Variants in PPP6R2 observed in about 807,000 individuals in gnomAD.
PPP6R2 encodes the protein serine/threonine-protein phosphatase 6 regulatory subunit 2.
PPP6R2 carries 62 observed loss-of-function variants against 100.2 expected under a neutral mutation model. The ratio of observed to expected loss-of-function variants is 0.62; its 90% CI spans 0.50 to 0.76. The LOEUF (loss-of-function observed/expected upper bound fraction) is 0.76, where lower values mean the gene tolerates loss of function less well. PPP6R2 is among the 30% of genes least tolerant of loss of function. The probability of loss-of-function intolerance (pLI) is 0.00; values close to 1 mark genes in which losing one functional copy is unlikely to be tolerated. For synonymous variants in PPP6R2, 525 were observed against 514.7 expected, an observed-to-expected ratio of 1.02 and a Z score of -0.27; for missense variants, 1,142 against 1,276.3, an observed-to-expected ratio of 0.89 and a Z score of 1.60.
intron 1 of PPP6R2, among the ~76,000 whole-genome samples, chr22:50,354,646 T>C (rs923427405): frequency 6.6e-6 from 1 of 151,652 alleles, no homozygotes; most frequent in Non-Finnish European, 1.5e-5. Context: ...GCCAACATGG[T>C]TAAACCCTGT....
rs557479115 is a variant in PPP6R2, at chr22:50,423,673, G to T, written c.1125+59G>T. The T allele has an allele frequency of 1.9e-6, 3 of 1,593,632 alleles. 1 individual carries two copies. The South Asian group carries it at 3.3e-5, about 18-fold the overall frequency. ...GTGAGTGTGCCGGGCATGGCCTGTG[G>T]ACTTGTCAGGAGCAGCAGAGCAGGG... On this transcript the variant is annotated intron_variant, in intron 10 of 23. Coordinates refer to ENST00000612753, the MANE Select transcript of PPP6R2 (RefSeq NM_001242898.2). This position sits in a 1 kb window ranked among gnomAD's most constrained non-coding sequence, Gnocchi z 4.8.
At chr22:50,338,012 G>A in the PPP6R2 span, among the ~76,000 whole-genome samples, 32,965 of 145,772 alleles carry the variant, frequency 0.23, 5,644 homozygotes, top group African/African-American at 0.49. Flanking sequence ...GGTATAGTGT[G>A]TGTGGGGGGT....
chr22:50,427,933 G>C (rs2062469552), intron 10 of PPP6R2, among the ~76,000 whole-genome samples: 1 of 152,212 alleles, frequency 6.6e-6, no homozygotes, highest in African/African-American at 2.4e-5. Flanking sequence ...TATTAGCCAG[G>C]ACGGTCTCGA....
Position 50,394,597 on chromosome 22 carries a change from C to CT in PPP6R2, c.227+465dup, listed in dbSNP as rs1444740148. On this transcript the variant is annotated intron_variant, in intron 3 of 23. Coordinates refer to ENST00000612753, the MANE Select transcript of PPP6R2 (RefSeq NM_001242898.2). The stretch of plus-strand genomic sequence containing the variant: ...CTGGGTGACAAGAGTGAAACCCTGT[C>CT]TTTAAAAAAAAAAAAAAAAAAAAAA... 6.4e-4 allele frequency among the ~76,000 whole-genome samples: 46 copies of CT among 72,176 alleles called. No homozygotes were observed. The South Asian group carries it at 0.023, about 36-fold the overall frequency. 47.4% of individuals were successfully genotyped at this position (72,176 alleles called of 152,430 possible). A position where few individuals can be genotyped will look rare whatever the true frequency, so the allele number is the denominator to read the frequency against.
intron 10 of PPP6R2, among the ~76,000 whole-genome samples, chr22:50,426,509 G>A (rs1359974722): frequency 6.6e-6 from 1 of 152,050 alleles, no homozygotes; most frequent in African/African-American, 2.4e-5. Context: ...TCTTTTGCAT[G>A]GGGTTATCCA....
At chr22:50,394,931 AAAG>A (rs910690857) in intron 3 of PPP6R2, among the ~76,000 whole-genome samples, 2 of 151,554 alleles carry the variant, frequency 1.3e-5, no homozygotes, top group African/African-American at 2.4e-5. Flanking sequence ...AAAAAAAAAA[AAAG>A]AGTTTTGACT....
At chr22:50,362,268 T>C (rs1214920041) in intron 1 of PPP6R2, among the ~76,000 whole-genome samples, 1 of 152,212 alleles carries the variant, frequency 6.6e-6, no homozygotes, top group East Asian at 1.9e-4. Context: ...CAGTTTTCAC[T>C]TGAGCCTTCA....
At chr22:50,371,910 T>G (rs1247991179) in intron 1 of PPP6R2, 110 bp from the exon 2 acceptor site, 1 of 152,270 alleles carries the variant, frequency 6.6e-6, no homozygotes, top group Non-Finnish European at 1.5e-5. Context: ...CTGTGGGGAT[T>G]AAAGGTGTGA....
Position 50,436,967 on chromosome 22 carries a change from C to T in PPP6R2, c.1603-21C>T, listed in dbSNP as rs537281572. ...GCGCTGGGCTGGCTCACACGCCCAC[C>T]CCATCTGGCCTGTGTTTTAGGTGAG... On this transcript the variant is annotated intron_variant, in intron 14 of 23. Transcript: ENST00000612753. 39 of 1,548,856 alleles carry T rather than the reference C, an allele frequency of 2.5e-5. No homozygotes were observed. The Middle Eastern group carries it at 6.7e-4, about 27-fold the overall frequency.
chr22:50,380,114 GT>G (rs1223094907), intron 2 of PPP6R2, among the ~76,000 whole-genome samples: 1 of 152,182 alleles, frequency 6.6e-6, no homozygotes, highest in African/African-American at 2.4e-5. Context: ...TCTGGTAAGA[GT>G]TTCAGGCTGC....
chr22:50,401,033 C>T (rs990482290), intron 3 of PPP6R2, among the ~76,000 whole-genome samples: 4 of 151,896 alleles, frequency 2.6e-5, no homozygotes, highest in Admixed American at 1.3e-4. Flanking sequence ...AGTTCTCATC[C>T]TTTTATTGAC....
At chr22:50,361,359 A>G (rs1208206368) in intron 1 of PPP6R2, among the ~76,000 whole-genome samples, 4 of 152,184 alleles carry the variant, frequency 2.6e-5, no homozygotes, top group Non-Finnish European at 5.9e-5. Flanking sequence ...TCATGTAATT[A>G]CTGAGACCTC....
At position 50,431,476 on chromosome 22, in the gene PPP6R2, C is replaced by A; in HGVS notation, c.1335+94C>A. The A allele has an allele frequency of 2.6e-6, 3 of 1,154,116 alleles. No individual in the cohort carries two copies. The highest frequency in any genetic ancestry group is 3.7e-6 in the Non-Finnish European group (3 of 812,878). The allele number at this position is 1,154,116 out of a possible 1,614,324, so 71.5% of individuals were successfully genotyped here. ...CTGACGTGTGCCGGACCTCACTGTG[C>A]AGCTGACACGGGGGCAGGGCTTTGA... On this transcript the variant is annotated intron_variant, in intron 11 of 23. Coordinates refer to ENST00000612753, the MANE Select transcript of PPP6R2 (RefSeq NM_001242898.2). The surrounding 1 kb of genome is among the most constrained non-coding windows in gnomAD (Gnocchi z 4.8).
At chr22:50,440,733 G>A (rs891672807) in intron 21 of PPP6R2, 89 bp from the exon 22 acceptor site, 53 of 1,436,086 alleles carry the variant, frequency 3.7e-5, no homozygotes, top group Non-Finnish European at 4.9e-5. Flanking sequence ...ATGTGAGAGG[G>A]CCACATGTAT....
At position 50,444,605 on chromosome 22, in the gene PPP6R2, G is replaced by A; in HGVS notation, c.*358G>A. ...GGGCCAGGAAGGGCGTGGACATGGAGGCTGTTTTTACAGTTTTTTTTTTGT... is the reference window on the plus strand; with the variant it reads ...GGGCCAGGAAGGGCGTGGACATGGAAGCTGTTTTTACAGTTTTTTTTTTGT... On this transcript the variant is annotated 3_prime_UTR_variant, in exon 24 of 24. Coordinates refer to ENST00000612753, the MANE Select transcript of PPP6R2 (RefSeq NM_001242898.2). 4.0e-6 allele frequency: 1 copy of A among 249,470 alleles called. No homozygotes were observed. Among genetic ancestry groups the A allele is most frequent in the Non-Finnish European group, 7.2e-6 (1 of 139,020 alleles). 15.5% of individuals were successfully genotyped at this position (249,470 alleles called of 1,614,324 possible).
At position 50,444,111 on chromosome 22, in the gene PPP6R2, A is replaced by T; in HGVS notation, c.2825A>T (p.Lys942Met). Residue 942 changes from lysine to methionine, a missense_variant, in exon 23 of 24, where the codon AAG becomes ATG. Coordinates refer to ENST00000612753, the MANE Select transcript of PPP6R2 (RefSeq NM_001242898.2). ...AMVATLGTVTKDGKTDAPPEG... is the reference protein window; with the variant it reads ...AMVATLGTVTMDGKTDAPPEG... ...GTGGCCACCCTGGGGACAGTGACAAAGGACGGGTGAGCAGGTTGAGTGTGG... is the reference window on the plus strand; with the variant it reads ...GTGGCCACCCTGGGGACAGTGACAATGGACGGGTGAGCAGGTTGAGTGTGG... 1 of 1,611,952 alleles carries T rather than the reference A, an allele frequency of 6.2e-7. No homozygotes were observed.
upstream of PPP6R2, among the ~76,000 whole-genome samples, chr22:50,340,722 G>C (rs1231856156): frequency 6.6e-6 from 1 of 151,828 alleles, no homozygotes; most frequent in Non-Finnish European, 1.5e-5. Flanking sequence ...ACCAAGGAAG[G>C]CCCTGCGGGG....
At chr22:50,338,973 GGT>G (rs770511744), upstream of PPP6R2, among the ~76,000 whole-genome samples, 17 of 140,326 alleles carry the variant, frequency 1.2e-4, no homozygotes, top group African/African-American at 3.0e-4. Flanking sequence ...TAGGGTGTGT[GGT>G]GTGTGTGTGG....
chr22:50,441,568 G>T (rs1184950455), intron 22 of PPP6R2, among the ~76,000 whole-genome samples: 1 of 152,188 alleles, frequency 6.6e-6, no homozygotes, highest in East Asian at 1.9e-4. Flanking sequence ...ATAGTAGGAT[G>T]GGGGGCGGCG....
Sources: gnomAD v4.1 joint callset for allele counts (sites outside exome capture counted in the v4.1 genomes callset) on GRCh38, gnomAD v4.1.1 for gene constraint, Gnocchi (gnomAD v3.1) non-coding constraint, MANE v1.5 for transcripts, NCBI Gene and HGNC (gene_info 2026-07-23, HGNC 2026-07-21) for gene names.